Variants in SCAF8 observed in about 807,000 individuals in gnomAD.
SCAF8 encodes SR-related and CTD-associated factor 8.
In SCAF8, 23 loss-of-function variants were observed where a neutral mutation model predicts 140.5. The observed-to-expected ratio is 0.16, with a 90% CI of 0.12 to 0.23. The LOEUF is 0.23. SCAF8 is among the 10% of genes least tolerant of loss of function. SCAF8 has a pLI of 1.00. For missense variants in SCAF8, 1,397 were observed against 1,555.7 expected (o/e 0.90, Z 1.72); for synonymous variants, 575 against 528.9 (o/e 1.09, Z -1.20).
At chr6:154,810,285 C>T in intron 12 of SCAF8, 77 bp downstream of exon 12, 4 of 1,077,046 alleles carry the variant, frequency 3.7e-6, no homozygotes, top group Non-Finnish European at 5.2e-6. Flanking sequence ...AGTCTCTCAG[C>T]CAAATTTTAT....
intron 18 of SCAF8, among the ~76,000 whole-genome samples, chr6:154,827,835 G>GC (rs1778610115): frequency 7.5e-5 from 3 of 39,810 alleles, no homozygotes. Context: ...GGGGCGGGGC[G>GC]GGGGGGGGGG....
intron 6 of SCAF8, among the ~76,000 whole-genome samples, chr6:154,799,209 C>T (rs1418150988): frequency 6.6e-6 from 1 of 150,996 alleles, no homozygotes; most frequent in African/African-American, 2.4e-5. Flanking sequence ...AACTCCTGAC[C>T]TCAGGCGATC....
At chr6:154,739,556 T>G (rs1778515518) in intron 1 of SCAF8, among the ~76,000 whole-genome samples, 1 of 152,188 alleles carries the variant, frequency 6.6e-6, no homozygotes, top group Non-Finnish European at 1.5e-5. Context: ...AGAATAATAA[T>G]TTCAGTTTAA....
intron 4 of SCAF8, 46 bp from the exon 5 acceptor site, chr6:154,792,777 G>A: frequency 7.0e-7 from 1 of 1,434,914 alleles, no homozygotes; most frequent in Non-Finnish European, 9.5e-7. Context: ...CTGTACTAAG[G>A]TTTTGAGAGT....
At chr6:154,787,192 C>A (rs1777280287) in intron 3 of SCAF8, among the ~76,000 whole-genome samples, 1 of 152,078 alleles carries the variant, frequency 6.6e-6, no homozygotes, top group African/African-American at 2.4e-5. Context: ...AAGTCTCTTC[C>A]AAAAAAACAT....
In SCAF8 at chr6:154,793,622, C is replaced by G. The variant is rs1307072138; in HGVS notation, c.475+646C>G. Among the ~76,000 whole-genome samples the G allele has an allele frequency of 4.6e-5, 7 of 151,564 alleles. No homozygotes were observed. The East Asian group carries it at 1.4e-3, about 29-fold the overall frequency. On this transcript the variant is annotated intron_variant, in intron 5 of 19. Transcript: ENST00000367178. The stretch of plus-strand genomic sequence containing the variant: ...CTGAGGTCAGGAGTTGGAGAGCAGC[C>G]TGGCCAATATAGTGAAACCCTGTCT...
chr6:154,827,838 G>C (rs925910221), intron 18 of SCAF8, among the ~76,000 whole-genome samples: 14 of 150,994 alleles, frequency 9.3e-5, no homozygotes, highest in Admixed American at 2.6e-4. Context: ...GCGGGGCGGG[G>C]GGGGGGGCGG....
Position 154,833,272 on chromosome 6 carries a change from G to A in SCAF8, c.3693G>A (p.Gln1231=). The stretch of plus-strand genomic sequence containing the variant: ...CTCAGCCACCACCTATACCAGTACA[G>A]AATGATCCTGAACTTTATGAAAAAC... ...RHAQPPPIPV[Q]NDPELYEKLT... is the part of the protein sequence containing the mutation. Residue 1231 remains glutamine, a synonymous_variant, in exon 20 of 20, where the codon CAG becomes CAA. Coordinates refer to ENST00000367178, the MANE Select transcript of SCAF8 (RefSeq NM_014892.5). 3.7e-6 allele frequency: 6 copies of A among 1,613,972 alleles called. No individual in the cohort carries two copies. The highest frequency in any genetic ancestry group is 4.2e-6 in the Non-Finnish European group (5 of 1,179,994).
At chr6:154,776,548 A>G (rs543169120) in intron 2 of SCAF8, among the ~76,000 whole-genome samples, 136 of 152,310 alleles carry the variant, frequency 8.9e-4, no homozygotes, top group African/African-American at 3.2e-3. Context: ...AACAAAGAAC[A>G]CTGTCAAGGT....
intron 18 of SCAF8, among the ~76,000 whole-genome samples, chr6:154,828,591 T>G (rs1778637881): frequency 6.6e-6 from 1 of 152,174 alleles, no homozygotes; most frequent in Non-Finnish European, 1.5e-5. Context: ...CCTGTCACAT[T>G]AGTTTTGAGA....
At chr6:154,807,171 C>A (rs1339738172) in intron 9 of SCAF8, among the ~76,000 whole-genome samples, 1 of 152,158 alleles carries the variant, frequency 6.6e-6, no homozygotes, top group African/African-American at 2.4e-5. Context: ...GTAATTAGCA[C>A]CATGTTATTG....
intron 1 of SCAF8, among the ~76,000 whole-genome samples, chr6:154,762,477 A>G (rs567809420): frequency 7.7e-4 from 117 of 152,162 alleles, no homozygotes; most frequent in African/African-American, 2.8e-3. Flanking sequence ...CTGGTCTACT[A>G]CAATAGTTAT....
chr6:154,831,229 C>A, intron 19 of SCAF8, 89 bp downstream of exon 19: 2 of 726,594 alleles, frequency 2.8e-6, no homozygotes, highest in East Asian at 2.8e-5. Flanking sequence ...GTAACCACTT[C>A]AATCTACAGA....
chr6:154,782,379 A>C (rs750531802), intron 3 of SCAF8, among the ~76,000 whole-genome samples: 67 of 152,202 alleles, frequency 4.4e-4, no homozygotes, highest in Admixed American at 9.8e-4. Flanking sequence ...TCATTGTGCC[A>C]CTGCACTCTA....
At chr6:154,799,497 C>T (rs1335468040) in intron 6 of SCAF8, among the ~76,000 whole-genome samples, 1 of 151,304 alleles carries the variant, frequency 6.6e-6, no homozygotes, top group Non-Finnish European at 1.5e-5. Context: ...CATTTTCTAT[C>T]ACCAGTTCAT....
At chr6:154,823,121 T>G (rs1778467129) in intron 16 of SCAF8, among the ~76,000 whole-genome samples, 1 of 152,160 alleles carries the variant, frequency 6.6e-6, no homozygotes, top group South Asian at 2.1e-4. Context: ...ACACCAGGAA[T>G]ATGGTTGGTG....
chr6:154,765,825 T>G (rs943292575), intron 1 of SCAF8, among the ~76,000 whole-genome samples: 1 of 152,136 alleles, frequency 6.6e-6, no homozygotes, highest in African/African-American at 2.4e-5. Context: ...TTTCTGATGA[T>G]CAGATTTAAC....
intron 1 of SCAF8, among the ~76,000 whole-genome samples, chr6:154,762,797 A>C (rs181017748): frequency 6.6e-6 from 1 of 152,322 alleles, no homozygotes; most frequent in Admixed American, 6.5e-5. Flanking sequence ...ATTTTATTTG[A>C]GAGTTCAAGT....
chr6:154,822,634 A>C (rs1583067405), intron 16 of SCAF8, among the ~76,000 whole-genome samples: 1 of 152,168 alleles, frequency 6.6e-6, no homozygotes, highest in South Asian at 2.1e-4. Context: ...GTAAATATGG[A>C]AATATTGTTT....
Sources: allele counts gnomAD v4.1 joint callset (sites outside exome capture counted in the v4.1 genomes callset), GRCh38; gene constraint gnomAD v4.1.1; transcripts MANE v1.5; gene names NCBI Gene and HGNC (gene_info 2026-07-23, HGNC 2026-07-21).